LRP2: variants seen among roughly 807,000 people sequenced by gnomAD.
LRP2 encodes LDL receptor related protein 2, also known as low-density lipoprotein receptor-related protein 2.
A neutral mutation model predicts 531.0 loss-of-function variants in LRP2; 172 were observed. The ratio of observed to expected loss-of-function variants is 0.32; its 90% CI spans 0.29 to 0.37. LRP2 has a LOEUF of 0.37. Among genes scored for constraint, LRP2 ranks in the 10% least tolerant of loss-of-function variants. The pLI, the probability that LRP2 is intolerant of heterozygous loss-of-function variation, is 1.00. For missense variants in LRP2, 5,167 were observed against 5,868.3 expected (o/e 0.88, Z 3.90); for synonymous variants, 1,992 against 2,027.6 (o/e 0.98, Z 0.47).
chr2:169,137,260 A>C, intron 76 of LRP2, 132 bp downstream of exon 76: 1 of 748,414 alleles, frequency 1.3e-6, no homozygotes, highest in Non-Finnish European at 2.4e-6. Context: ...CAGATAGGGC[A>C]GCTGCAGCAT....
At chr2:169,336,553 C>T (rs1300103465) in intron 1 of LRP2, among the ~76,000 whole-genome samples, 1 of 151,694 alleles carries the variant, frequency 6.6e-6, no homozygotes. Flanking sequence ...CACACACACA[C>T]ACACACACAC....
In LRP2 at chr2:169,138,635, A is replaced by T; in HGVS notation, c.13460T>A (p.Met4487Lys). The T allele has an allele frequency of 6.2e-7, 1 of 1,614,012 alleles. No individual in the cohort carries two copies. The highest frequency in any genetic ancestry group is 8.5e-7 in the Non-Finnish European group (1 of 1,179,912). Residue 4487 changes from methionine (M) to lysine (K), a missense_variant, in exon 75 of 79, where the codon ATG becomes AAG. Physicochemically the swap from Met to Lys is moderately conservative, Grantham distance 95. Around this residue, in one of 6 missense-constraint regions of LRP2, gnomAD observed 348 missense variants for 369.3 expected, o/e 0.94. Coordinates refer to ENST00000649046, the MANE Select transcript of LRP2 (RefSeq NM_004525.3). ...TCCAAAACCAGACACTCCAATATCC[A>T]TGTTAAGATCTGCCCCTGATCTGAA... ...VTFRSGADLN[M>K]DIGVSGFGPE...
At position 169,139,156 on chromosome 2, in the gene LRP2, G is replaced by T. The variant is rs993759112; in HGVS notation, c.13388+95C>A. 3.2e-6 allele frequency: 5 copies of T among 1,574,676 alleles called. No homozygotes were observed. In the African/African-American group the frequency reaches 6.7e-5, roughly 21 times the overall value. ...GTGGAATCGGTGAACTGCGTATTGT[G>T]CTTTTTTAACTTAGAAAGAAAACTA... On this transcript the variant is annotated intron_variant, in intron 74 of 78. Coordinates refer to ENST00000649046, the MANE Select transcript of LRP2 (RefSeq NM_004525.3).
chr2:169,179,708 G>A (rs568735593), intron 52 of LRP2, among the ~76,000 whole-genome samples: 6 of 123,090 alleles, frequency 4.9e-5, no homozygotes, highest in East Asian at 4.0e-4. Context: ...CAACAAGAGC[G>A]AATTTCCATC....
chr2:169,173,971 A>C lies in LRP2; in HGVS notation c.10962T>G (p.Cys3654Trp). Residue 3654 changes from cysteine to tryptophan, a missense_variant, in exon 56 of 79, where the codon TGT becomes TGG. By Grantham distance (215) the Cys-to-Trp change is radical (BLOSUM62 -2). Coordinates refer to ENST00000649046, the MANE Select transcript of LRP2 (RefSeq NM_004525.3). Reference sequence around the variant, plus strand: ...GGTCTCCACAATCATTATCCACATCACACTTCCAGGCCTGCGGGATGCAGC... The same window carrying C: ...GGTCTCCACAATCATTATCCACATCCCACTTCCAGGCCTGCGGGATGCAGC... Reference protein sequence around the residue: ...NGRCIPQAWKCDVDNDCGDHS... With the variant: ...NGRCIPQAWKWDVDNDCGDHS... 6.2e-7 allele frequency: 1 copy of C among 1,614,000 alleles called. No individual in the cohort carries two copies. Among genetic ancestry groups the C allele is most frequent in the Non-Finnish European group, 8.5e-7 (1 of 1,179,978 alleles).
chr2:169,314,540 A>G (rs551634163), intron 3 of LRP2, among the ~76,000 whole-genome samples: 134 of 152,310 alleles, frequency 8.8e-4, no homozygotes, highest in South Asian at 2.3e-3. Context: ...ATAAAACCAT[A>G]ATTAACACCC....
At position 169,169,595 on chromosome 2, in the gene LRP2, A is replaced by G. The variant is rs561134315; in HGVS notation, c.11497+107T>C. ...ATCATTATCAGTGCATGCTGAACAG[A>G]CAATACTTATGGCCTTTTAATCTAA... On this transcript the variant is annotated intron_variant, in intron 60 of 78. Coordinates refer to ENST00000649046, the MANE Select transcript of LRP2 (RefSeq NM_004525.3). 10 of 849,856 alleles carry G rather than the reference A, an allele frequency of 1.2e-5. No homozygotes were observed. In the East Asian group the frequency reaches 2.4e-4, roughly 21 times the overall value. The allele number at this position is 849,856 out of a possible 1,614,324, so 52.6% of individuals were successfully genotyped here.
chr2:169,324,486 T>C (rs1211390919), intron 1 of LRP2, among the ~76,000 whole-genome samples: 2 of 152,122 alleles, frequency 1.3e-5, no homozygotes, highest in East Asian at 1.9e-4. Context: ...TAACATAGCA[T>C]TAAAAAATTA....
chr2:169,187,100 G>A (rs1278266843), intron 49 of LRP2, among the ~76,000 whole-genome samples: 1 of 151,868 alleles, frequency 6.6e-6, no homozygotes, highest in African/African-American at 2.4e-5. Context: ...TTAAGTTCAG[G>A]GGTACATGTG....
chr2:169,201,691 C>T lies in LRP2; in HGVS notation c.8389G>A (p.Glu2797Lys), dbSNP rs1296523458. Residue 2797 changes from glutamate (E) to lysine (K), a missense_variant, in exon 44 of 79, where the codon GAG becomes AAG. By Grantham distance (56) the Glu-to-Lys change is moderately conservative. Around this residue, in one of 6 missense-constraint regions of LRP2, gnomAD observed 1,129 missense variants for 1,362.7 expected, o/e 0.83. Coordinates refer to ENST00000649046, the MANE Select transcript of LRP2 (RefSeq NM_004525.3). ...MCNNRRCIPR[E>K]FICNGVDNCH... ...TTGTCTACACCATTGCAGATAAACT[C>T]ACGAGGTATGCACCTTCTGTTATTG... The T allele has an allele frequency of 6.2e-7, 1 of 1,614,156 alleles. No individual in the cohort carries two copies. Among genetic ancestry groups the T allele is most frequent in the Non-Finnish European group, 8.5e-7 (1 of 1,180,014 alleles).
At chr2:169,218,448 G>A (rs1688873700) in intron 34 of LRP2, among the ~76,000 whole-genome samples, 1 of 152,002 alleles carries the variant, frequency 6.6e-6, no homozygotes, top group Non-Finnish European at 1.5e-5. Context: ...AGCCTCTCTT[G>A]TGGCTCTTAA....
chr2:169,309,724 T>A (rs1300898146), intron 3 of LRP2, among the ~76,000 whole-genome samples: 1 of 152,156 alleles, frequency 6.6e-6, no homozygotes, highest in African/African-American at 2.4e-5. Flanking sequence ...TTTGGTTCCA[T>A]ATGAACTTTA....
chr2:169,176,185 T>C (rs1043454618), intron 54 of LRP2, among the ~76,000 whole-genome samples: 1 of 152,222 alleles, frequency 6.6e-6, no homozygotes, highest in African/African-American at 2.4e-5. Flanking sequence ...TTCCTTTCTA[T>C]GAAAGTTTGC....
rs565117675 is a variant in LRP2 at position 169,182,641 on chromosome 2, G to C, written c.9846-322C>G. ...CCTCTCCAGGCAGTGCAAAGGCTTAGCAGAACAGGGAAGCAGAGGTGAGTA... is the reference window on the plus strand; with the variant it reads ...CCTCTCCAGGCAGTGCAAAGGCTTACCAGAACAGGGAAGCAGAGGTGAGTA... On this transcript the variant is annotated intron_variant, in intron 50 of 78. Transcript: ENST00000649046. 20 of 985,330 alleles carry C rather than the reference G, an allele frequency of 2.0e-5. No individual in the cohort carries two copies. The South Asian group carries it at 8.0e-4, about 39-fold the overall frequency. The allele number at this position is 985,330 out of a possible 1,614,324, so 61.0% of individuals were successfully genotyped here. A position where few individuals can be genotyped will look rare whatever the true frequency, so the allele number is the denominator to read the frequency against.
intron 44 of LRP2, 87 bp downstream of exon 44, chr2:169,201,541 A>G: frequency 1.3e-6 from 2 of 1,567,396 alleles, no homozygotes; most frequent in South Asian, 1.2e-5. Flanking sequence ...TTATTTTTGG[A>G]AAGCCTTTTT....
intron 31 of LRP2, among the ~76,000 whole-genome samples, chr2:169,231,093 AG>A (rs1453404921): frequency 6.6e-6 from 1 of 152,180 alleles, no homozygotes; most frequent in Admixed American, 6.5e-5. Flanking sequence ...CAGAACTTGG[AG>A]ACCAGCCTGG....
chr2:169,154,285 T>C (rs1172366633), intron 66 of LRP2, among the ~76,000 whole-genome samples, 175 bp downstream of exon 66: 1 of 152,172 alleles, frequency 6.6e-6, no homozygotes, highest in Non-Finnish European at 1.5e-5. Context: ...CAGGAAAGCT[T>C]GGCTGGGATT....
rs1686759746 is a variant in LRP2, at chr2:169,165,793, G to A, written c.11758+139C>T. 27 of 1,052,026 alleles carry A rather than the reference G, an allele frequency of 2.6e-5. No homozygotes were observed. The South Asian group carries it at 3.1e-4, about 12-fold the overall frequency. The allele number at this position is 1,052,026 out of a possible 1,614,324, so 65.2% of individuals were successfully genotyped here. On this transcript the variant is annotated intron_variant, in intron 62 of 78. Coordinates refer to ENST00000649046, the MANE Select transcript of LRP2 (RefSeq NM_004525.3). ...GCAATGCATGTGTTTGCATGGTCTT[G>A]TAAACAATTATGTCAGCAGAGATCT...
chr2:169,327,079 G>A (rs1574260464), intron 1 of LRP2, among the ~76,000 whole-genome samples: 1 of 151,284 alleles, frequency 6.6e-6, no homozygotes, highest in African/African-American at 2.4e-5. Context: ...AGTCCGGGAG[G>A]GAGGTGGGGG....
Sources: gnomAD v4.1 joint callset for allele counts (sites outside exome capture counted in the v4.1 genomes callset) on GRCh38, gnomAD v4.1.1 for gene constraint, gnomAD v4.1.1 regional missense constraint, MANE v1.5 for transcripts, NCBI Gene and HGNC (gene_info 2026-07-23, HGNC 2026-07-21) for gene names.